GAB3: variants seen among roughly 807,000 people sequenced by gnomAD.
GAB3 encodes the protein GRB2 associated binding protein 3.
GAB3 carries 12 observed loss-of-function variants against 40.4 expected under a neutral mutation model. The ratio of observed to expected loss-of-function variants is 0.30; its 90% confidence interval spans 0.19 to 0.48. The LOEUF (loss-of-function observed/expected upper bound fraction) is 0.48. Ranked by LOEUF, GAB3 falls within the 20% of genes least tolerant of loss-of-function variation. The probability of loss-of-function intolerance (pLI) is 0.99; values close to 1 mark genes in which losing one functional copy is unlikely to be tolerated. For synonymous variants in GAB3, 154 were observed against 176.7 expected (o/e 0.87, Z 1.02); for missense variants, 381 against 461.9 (o/e 0.82, Z 1.61).
intron 1 of GAB3, among the ~76,000 whole-genome samples, chrX:154,729,344 T>G (rs1402006749): frequency 3.6e-5 from 4 of 112,188 alleles, no homozygotes; most frequent in Non-Finnish European, 7.5e-5. Context: ...CAATGCCTAC[T>G]GTGAACCAAG....
chrX:154,698,247 T>C (rs782761624), intron 6 of GAB3, among the ~76,000 whole-genome samples: 22 of 111,917 alleles, frequency 2.0e-4, no homozygotes, highest in Non-Finnish European at 7.5e-5. Flanking sequence ...ACAGGGTCTG[T>C]TCTCCTATTT....
chrX:154,681,053 TG>T (rs1215025523), intron 8 of GAB3, among the ~76,000 whole-genome samples: 3 of 112,272 alleles, frequency 2.7e-5, no homozygotes, highest in Non-Finnish European at 5.6e-5. Context: ...TGGGGGCTAT[TG>T]TAAGCAATGC....
chrX:154,746,673 T>C (rs1230951604), intron 1 of GAB3, among the ~76,000 whole-genome samples: 2 of 112,432 alleles, frequency 1.8e-5, no homozygotes, highest in Non-Finnish European at 3.8e-5. Flanking sequence ...GTCAAGGATG[T>C]CTGCTCTCGT....
intron 4 of GAB3, among the ~76,000 whole-genome samples, chrX:154,704,717 T>A (rs2148441071): frequency 9.0e-6 from 1 of 111,581 alleles, no homozygotes; most frequent in Admixed American, 9.5e-5. Flanking sequence ...AAGCGAAGAA[T>A]GCTCAGATAA....
intron 1 of GAB3, among the ~76,000 whole-genome samples, chrX:154,730,246 T>A (rs1157089794): frequency 2.7e-5 from 3 of 112,748 alleles, no homozygotes; most frequent in African/African-American, 9.7e-5. Flanking sequence ...TGCTCTTGTC[T>A]GATTTACTGA....
At chrX:154,751,460 C>T, upstream of GAB3, 1 of 732,972 alleles carries the variant, frequency 1.4e-6, no homozygotes, top group Non-Finnish European at 1.6e-6. Context: ...CCCTGGGTCT[C>T]AGGGACCCTG....
chrX:154,690,539 A>G (rs2070542310), intron 8 of GAB3, among the ~76,000 whole-genome samples: 1 of 112,502 alleles, frequency 8.9e-6, no homozygotes, highest in Non-Finnish European at 1.9e-5. Context: ...GCTAATATCC[A>G]GAATCTACAA....
rs372115726 is a variant in GAB3, at chrX:154,716,397, A to G, written c.73-68T>C. 1.1e-5 allele frequency: 11 copies of G among 1,000,297 alleles called. 1 individual carries two copies. Among genetic ancestry groups the G allele is most frequent in the African/African-American group, 9.4e-5 (5 of 53,173 alleles). The allele number at this position is 1,000,297 out of a possible 1,213,427, so 82.4% of individuals were successfully genotyped here. ...TCTTGTTTCTCAGGCTATGCCAAGA[A>G]CCCATGTCATGACAAGGACAGCAGG... On this transcript the variant is annotated intron_variant, in intron 1 of 9. Transcript: ENST00000424127.
intron 1 of GAB3, among the ~76,000 whole-genome samples, chrX:154,734,545 G>A (rs1352832578): frequency 8.9e-6 from 1 of 112,403 alleles, no homozygotes; most frequent in Non-Finnish European, 1.9e-5. Context: ...TCAGTGGGAC[G>A]TTCTTACAAG....
intron 4 of GAB3, among the ~76,000 whole-genome samples, chrX:154,706,181 C>T (rs782124130): frequency 4.5e-5 from 5 of 111,152 alleles, no homozygotes; most frequent in African/African-American, 9.8e-5. Context: ...TTTGGGAGGC[C>T]GAGGCAGGCA....
chrX:154,705,174 G>GA (rs782234902), intron 4 of GAB3, among the ~76,000 whole-genome samples: 7 of 108,972 alleles, frequency 6.4e-5, no homozygotes, highest in African/African-American at 2.3e-4. Context: ...AAGGACACAA[G>GA]AAAAAAAAGA....
chrX:154,681,312 A>G (rs782476312), intron 8 of GAB3, among the ~76,000 whole-genome samples: 1 of 111,318 alleles, frequency 9.0e-6, no homozygotes, highest in Non-Finnish European at 1.9e-5. Flanking sequence ...ATGGTATCTT[A>G]CTGTGGTTTG....
chrX:154,690,860 C>T (rs1240194796), intron 8 of GAB3, among the ~76,000 whole-genome samples: 2 of 107,913 alleles, frequency 1.9e-5, no homozygotes, highest in Admixed American at 1.9e-4. Context: ...GTCAGTGTGG[C>T]GATTCCTCAG....
intron 7 of GAB3, 99 bp from the exon 8 acceptor site, chrX:154,696,118 T>C: frequency 4.6e-6 from 2 of 432,029 alleles, no homozygotes; most frequent in Non-Finnish European, 8.0e-6. Context: ...TCAGCCCTCC[T>C]CTTCCAGACA....
intron 1 of GAB3, among the ~76,000 whole-genome samples, chrX:154,737,732 G>A (rs1301441718): frequency 1.8e-5 from 2 of 112,201 alleles, no homozygotes; most frequent in Admixed American, 9.4e-5. Flanking sequence ...CAGGCCAGGC[G>A]CAGTGTAATC....
chrX:154,691,305 T>C (rs1313603874), intron 8 of GAB3, among the ~76,000 whole-genome samples: 1 of 103,420 alleles, frequency 9.7e-6, no homozygotes, highest in African/African-American at 3.5e-5. Flanking sequence ...CATTGGGAGA[T>C]ATACCTAATG....
intron 4 of GAB3, among the ~76,000 whole-genome samples, chrX:154,710,014 T>C (rs1462089177): frequency 9.0e-6 from 1 of 111,434 alleles, no homozygotes; most frequent in East Asian, 2.8e-4. Flanking sequence ...GGGGATCCAA[T>C]GTACAGCATG....
At chrX:154,711,906 A>G (rs957225249) in intron 4 of GAB3, among the ~76,000 whole-genome samples, 1 of 111,917 alleles carries the variant, frequency 8.9e-6, no homozygotes, top group Non-Finnish European at 1.9e-5. Context: ...TGCAGCATCT[A>G]TGGGGACCTA....
chrX:154,738,834 G>A (rs1352701304), intron 1 of GAB3, among the ~76,000 whole-genome samples: 2 of 112,006 alleles, frequency 1.8e-5, no homozygotes, highest in African/African-American at 6.5e-5. Context: ...CTGACTTCCA[G>A]AATCTAAGTG....
Sources: gnomAD v4.1 joint callset for allele counts (sites outside exome capture counted in the v4.1 genomes callset) on GRCh38, gnomAD v4.1.1 for gene constraint, MANE v1.5 for transcripts, NCBI Gene and HGNC (gene_info 2026-07-23, HGNC 2026-07-21) for gene names.